PIP5K1A: variants seen among roughly 807,000 people sequenced by gnomAD.
The protein encoded by PIP5K1A is phosphatidylinositol-4-phosphate 5-kinase type 1 alpha.
Under a neutral mutation model 72.9 loss-of-function variants are expected in PIP5K1A, and 46 were observed. The ratio of observed to expected loss-of-function variants is 0.63; its 90% CI spans 0.50 to 0.81. PIP5K1A has a LOEUF of 0.81. Among genes scored for constraint, PIP5K1A ranks in the 30% least tolerant of loss-of-function variants. The probability of loss-of-function intolerance (pLI) is 0.00; values close to 1 mark genes in which losing one functional copy is unlikely to be tolerated. For missense variants in PIP5K1A, 458 were observed against 706.1 expected (o/e 0.65, Z 3.98); for synonymous variants, 228 against 255.1 (o/e 0.89, Z 1.01).
intron 1 of PIP5K1A, among the ~76,000 whole-genome samples, chr1:151,217,058 G>A (rs1401825543): frequency 1.3e-5 from 2 of 151,984 alleles, no homozygotes; most frequent in African/African-American, 2.4e-5. Flanking sequence ...GACTACAGGT[G>A]CGTGCCACTA....
chr1:151,224,482 C>A (rs1688829886), intron 3 of PIP5K1A, 76 bp downstream of exon 3: 2 of 1,072,490 alleles, frequency 1.9e-6, no homozygotes, highest in South Asian at 1.3e-5. Context: ...ATTTATTGAG[C>A]ATTTTTAATG....
intron 11 of PIP5K1A, 44 bp from the exon 12 acceptor site, chr1:151,239,911 C>T (rs1409849742): frequency 3.8e-6 from 5 of 1,312,746 alleles, no homozygotes; most frequent in Non-Finnish European, 5.2e-6. Context: ...TAGAGTTCCT[C>T]TTGCCGGGCC....
rs1220499618 is a variant in PIP5K1A at position 151,224,376 on chromosome 1, G to A, written c.126G>A (p.Leu42=). The change falls in exon 3 of 16, where the codon TTG becomes TTA. Residue 42 remains leucine (L), a synonymous_variant. Coordinates refer to ENST00000368888, the MANE Select transcript of PIP5K1A (RefSeq NM_001135638.2). ...GIKRPMASEV[L]EARQDSYISL... is the part of the protein sequence containing the mutation. The stretch of plus-strand genomic sequence containing the variant: ...TTTATTTTTTCTCTACTTAGGTCTT[G>A]GAAGCTAGACAGGATTCTTACATCT... 6.2e-7 allele frequency: 1 copy of A among 1,608,148 alleles called. No individual in the cohort carries two copies.
intron 1 of PIP5K1A, among the ~76,000 whole-genome samples, chr1:151,206,789 C>CCA (rs1685996796): frequency 6.6e-6 from 1 of 152,206 alleles, no homozygotes; most frequent in Non-Finnish European, 1.5e-5. Flanking sequence ...TGGTCTCTAA[C>CCA]CCCTGACCTC....
chr1:151,229,883 A>G (rs1203064195), intron 4 of PIP5K1A, among the ~76,000 whole-genome samples: 1 of 151,748 alleles, frequency 6.6e-6, no homozygotes, highest in African/African-American at 2.4e-5. Flanking sequence ...GGAGATCGAG[A>G]TCATCCTGGC....
At chr1:151,205,579 G>A (rs185236008) in intron 1 of PIP5K1A, among the ~76,000 whole-genome samples, 1,906 of 152,078 alleles carry the variant, frequency 0.013, 22 homozygotes, top group Non-Finnish European at 0.019. Flanking sequence ...GGCCAAGGCA[G>A]GTGGATCACC....
chr1:151,212,124 A>G (rs1426341877), intron 1 of PIP5K1A, among the ~76,000 whole-genome samples: 2 of 151,780 alleles, frequency 1.3e-5, no homozygotes, highest in African/African-American at 4.8e-5. Flanking sequence ...AAAAAAAAAA[A>G]GATTTTGTTT....
intron 14 of PIP5K1A, 124 bp downstream of exon 14, chr1:151,242,691 T>A: frequency 2.3e-6 from 2 of 851,254 alleles, no homozygotes; most frequent in Non-Finnish European, 3.8e-6. Context: ...ATAACAAACA[T>A]ATATCATACT....
chr1:151,247,032 G>A, intron 15 of PIP5K1A, 67 bp downstream of exon 15: 1 of 1,048,104 alleles, frequency 9.5e-7, no homozygotes, highest in Non-Finnish European at 1.4e-6. Context: ...TGATGGCCTG[G>A]AGCAGGAAGT....
At chr1:151,197,911 A>T, upstream of PIP5K1A, 1 of 375,978 alleles carries the variant, frequency 2.7e-6, no homozygotes. Flanking sequence ...TGCCCTTTGG[A>T]GCACAGATAA....
At chr1:151,227,691 G>C (rs1689353565) in intron 4 of PIP5K1A, among the ~76,000 whole-genome samples, 1 of 152,154 alleles carries the variant, frequency 6.6e-6, no homozygotes, top group Non-Finnish European at 1.5e-5. Context: ...AGGAGTTCAA[G>C]ACCAACCTGG....
chr1:151,215,431 A>G (rs1428849182), intron 1 of PIP5K1A, among the ~76,000 whole-genome samples: 1 of 151,654 alleles, frequency 6.6e-6, no homozygotes, highest in Non-Finnish European at 1.5e-5. Context: ...CCTGGGTTCA[A>G]GCGATTCTCC....
intron 1 of PIP5K1A, among the ~76,000 whole-genome samples, chr1:151,212,389 G>A (rs1686947652): frequency 6.6e-6 from 1 of 152,116 alleles, no homozygotes; most frequent in Non-Finnish European, 1.5e-5. Context: ...CCAGTGGCTG[G>A]GTAGTAGCAA....
chr1:151,243,934 T>C (rs1481664307), intron 14 of PIP5K1A, among the ~76,000 whole-genome samples: 1 of 152,172 alleles, frequency 6.6e-6, no homozygotes, highest in African/African-American at 2.4e-5. Context: ...CATAATCTTC[T>C]GAACAGCCTT....
At chr1:151,200,652 CAT>C (rs1452755396) in intron 1 of PIP5K1A, among the ~76,000 whole-genome samples, 1 of 152,088 alleles carries the variant, frequency 6.6e-6, no homozygotes, top group Non-Finnish European at 1.5e-5. Flanking sequence ...TCTAGTCACA[CAT>C]ATCTTCTTAA....
chr1:151,205,566 G>A (rs1326024769), intron 1 of PIP5K1A, among the ~76,000 whole-genome samples: 2 of 151,916 alleles, frequency 1.3e-5, no homozygotes, highest in East Asian at 4.0e-4. Flanking sequence ...CAGCACTTTG[G>A]GAGGCCAAGG....
intron 1 of PIP5K1A, among the ~76,000 whole-genome samples, chr1:151,201,467 A>G (rs1018047277): frequency 6.6e-6 from 1 of 151,958 alleles, no homozygotes; most frequent in Non-Finnish European, 1.5e-5. Flanking sequence ...CTCCTGACTC[A>G]GTCTCCCAAG....
chr1:151,197,912 G>A (rs981638003), upstream of PIP5K1A: 3 of 376,556 alleles, frequency 8.0e-6, no homozygotes. Flanking sequence ...GCCCTTTGGA[G>A]CACAGATAAT....
intron 1 of PIP5K1A, among the ~76,000 whole-genome samples, chr1:151,214,066 C>A (rs1391233392): frequency 6.6e-6 from 1 of 151,634 alleles, no homozygotes; most frequent in African/African-American, 2.4e-5. Flanking sequence ...ATTTTTTGAC[C>A]TTTTTCCACT....
Sources: gnomAD v4.1 joint callset for allele counts (sites outside exome capture counted in the v4.1 genomes callset) on GRCh38, gnomAD v4.1.1 for gene constraint, MANE v1.5 for transcripts, NCBI Gene and HGNC (gene_info 2026-07-23, HGNC 2026-07-21) for gene names.